GSTO2: variants seen among roughly 807,000 people sequenced by gnomAD.
GSTO2 encodes the protein glutathione S-transferase omega 2.
In GSTO2, 23 loss-of-function variants were observed where a neutral mutation model predicts 28.4. That is an observed-to-expected ratio of 0.81 (90% CI 0.58 to 1.15). GSTO2 has a LOEUF of 1.15. GSTO2 is among the 50% of genes most tolerant of loss of function. The probability of loss-of-function intolerance (pLI) is 0.00; values close to 1 mark genes in which losing one functional copy is unlikely to be tolerated. For missense variants in GSTO2, 298 were observed against 297.8 expected (o/e 1.00, Z 0.00); for synonymous variants, 109 against 111.0 (o/e 0.98, Z 0.11).
Position 104,274,963 on chromosome 10 carries a change from A to G in GSTO2, c.34+14A>G. On this transcript the variant is annotated intron_variant, in intron 2 of 6. Coordinates refer to ENST00000338595, the MANE Select transcript of GSTO2 (RefSeq NM_183239.2). ...CCCTGGGGAAAGGTGAGTGCTCTCC[A>G]TGGGGTCCGCGAGCTGGGGGCGCCG... 1 of 1,577,104 alleles carries G rather than the reference A, an allele frequency of 6.3e-7. No individual in the cohort carries two copies. Among genetic ancestry groups the G allele is most frequent in the African/African-American group, 1.4e-5 (1 of 72,706 alleles).
chr10:104,281,082 G>A (rs187551177), intron 5 of GSTO2, among the ~76,000 whole-genome samples: 1 of 152,302 alleles, frequency 6.6e-6, no homozygotes, highest in African/African-American at 2.4e-5. Context: ...GTTTTCCCAT[G>A]TGTAAAATGA....
intron 1 of GSTO2, among the ~76,000 whole-genome samples, chr10:104,273,930 A>C (rs2011516460): frequency 6.6e-6 from 1 of 152,210 alleles, no homozygotes; most frequent in Non-Finnish European, 1.5e-5. Flanking sequence ...ATGATCTGTT[A>C]ATCCTACAAA....
At chr10:104,271,841 T>C (rs1205178266) in intron 1 of GSTO2, among the ~76,000 whole-genome samples, 2 of 152,238 alleles carry the variant, frequency 1.3e-5, no homozygotes, top group Non-Finnish European at 2.9e-5. Context: ...AACCTTTTAA[T>C]TTACAAATGG....
intron 5 of GSTO2, among the ~76,000 whole-genome samples, chr10:104,293,562 A>AGTTTTTTTT (rs2012876280): frequency 1.3e-5 from 1 of 78,842 alleles, no homozygotes; most frequent in African/African-American, 7.4e-5. Flanking sequence ...GCGCCTGGCC[A>AGTTTTTTTT]ATTTTTTTTT....
intron 1 of GSTO2, among the ~76,000 whole-genome samples, chr10:104,271,716 C>A (rs906784819): frequency 2.0e-5 from 3 of 152,216 alleles, no homozygotes; most frequent in Non-Finnish European, 4.4e-5. Flanking sequence ...CATACAGATA[C>A]ACTTTTCATG....
intron 5 of GSTO2, among the ~76,000 whole-genome samples, chr10:104,280,159 G>A (rs2011936594): frequency 1.0e-5 from 1 of 98,652 alleles, no homozygotes; most frequent in Non-Finnish European, 1.8e-5. Flanking sequence ...GAGTAAGTAG[G>A]ACTGACAAAA....
At chr10:104,278,543 A>G (rs1177709034) in intron 4 of GSTO2, among the ~76,000 whole-genome samples, 2 of 152,132 alleles carry the variant, frequency 1.3e-5, no homozygotes, top group Non-Finnish European at 2.9e-5. Flanking sequence ...GTGCAGTGGC[A>G]CCATCTCGGC....
rs753736181 is a variant in GSTO2, at chr10:104,279,378, T to C, written c.375T>C (p.His125=). 20 of 1,613,448 alleles carry C rather than the reference T, an allele frequency of 1.2e-5. No individual in the cohort carries two copies. The South Asian group carries it at 2.0e-4, about 16-fold the overall frequency. Residue 125 remains histidine, a synonymous_variant, in exon 5 of 7, where the codon CAT becomes CAC. Coordinates refer to ENST00000338595, the MANE Select transcript of GSTO2 (RefSeq NM_183239.2). ...MLLELFCKVP[H]LTKECLVALR... is the part of the protein sequence containing the mutation. ...CTGTGTCCTCTGATTAGGTCCCACA[T>C]TTGACCAAGGAGTGCCTGGTAGCGT...
At chr10:104,283,410 G>C (rs773148610) in intron 5 of GSTO2, among the ~76,000 whole-genome samples, 1 of 152,176 alleles carries the variant, frequency 6.6e-6, no homozygotes, top group Non-Finnish European at 1.5e-5. Flanking sequence ...AGGATCACCT[G>C]AGGCCAGGAG....
chr10:104,279,582 A>G (rs2011888873), intron 5 of GSTO2, 111 bp downstream of exon 5: 6 of 688,508 alleles, frequency 8.7e-6, no homozygotes, highest in South Asian at 7.1e-5. Flanking sequence ...TCTGCCTTTG[A>G]TAAGTCAGAC....
intron 5 of GSTO2, among the ~76,000 whole-genome samples, chr10:104,284,335 G>C (rs2012279400): frequency 2.0e-5 from 3 of 152,032 alleles, no homozygotes; most frequent in Admixed American, 2.0e-4. Context: ...ACTCCAGCCT[G>C]GGTGACAGAG....
intron 5 of GSTO2, among the ~76,000 whole-genome samples, chr10:104,285,495 A>G (rs762301475): frequency 9.2e-5 from 14 of 151,650 alleles, no homozygotes; most frequent in Non-Finnish European, 1.8e-4. Context: ...TGTCACCCAC[A>G]TTGGAGTGCA....
chr10:104,275,375 C>T, intron 3 of GSTO2, 41 bp downstream of exon 3: 1 of 1,586,574 alleles, frequency 6.3e-7, no homozygotes, highest in Non-Finnish European at 8.6e-7. Context: ...AAACCCAGCG[C>T]CTCACAGGAG....
At chr10:104,270,118 A>G (rs945686490) in intron 1 of GSTO2, among the ~76,000 whole-genome samples, 6 of 149,850 alleles carry the variant, frequency 4.0e-5, no homozygotes, top group African/African-American at 7.4e-5. Flanking sequence ...GGTTCACGCC[A>G]TTCTCCTGCC....
chr10:104,279,543 C>A, intron 5 of GSTO2, 72 bp downstream of exon 5: 4 of 954,328 alleles, frequency 4.2e-6, no homozygotes, highest in South Asian at 1.4e-5. Flanking sequence ...CCTGGTCACT[C>A]TAACACCAGC....
chr10:104,272,499 C>G (rs548525339), intron 1 of GSTO2, among the ~76,000 whole-genome samples: 2 of 147,082 alleles, frequency 1.4e-5, no homozygotes, highest in Non-Finnish European at 3.0e-5. Context: ...AGTCCTCCCT[C>G]TTTCACTTAC....
chr10:104,286,346 GA>G (rs1406518786), intron 5 of GSTO2, among the ~76,000 whole-genome samples: 48 of 152,210 alleles, frequency 3.2e-4, no homozygotes, highest in Admixed American at 1.7e-3. Context: ...CATATAAGTG[GA>G]ATCATACAAC....
At chr10:104,276,851 G>T (rs140290289) in intron 3 of GSTO2, among the ~76,000 whole-genome samples, 83 of 152,220 alleles carry the variant, frequency 5.5e-4, no homozygotes, top group Middle Eastern at 3.4e-3. Context: ...TTAAACATAC[G>T]TTCATGCTTC....
Position 104,299,377 on chromosome 10 carries a change from C to T in GSTO2, c.*93C>T, listed in dbSNP as rs1428096929. 1 of 1,403,558 alleles carries T rather than the reference C, an allele frequency of 7.1e-7. No homozygotes were observed. The highest frequency in any genetic ancestry group is 2.3e-5 in the East Asian group (1 of 43,184). 86.9% of individuals were successfully genotyped at this position (1,403,558 alleles called of 1,614,324 possible). Reference sequence around the variant, plus strand: ...CTTGGGAACCAATCCGTCTCTCTTTCTTTTCTTTGAAGTTCCCAATAAAAT... The same window carrying T: ...CTTGGGAACCAATCCGTCTCTCTTTTTTTTCTTTGAAGTTCCCAATAAAAT... On this transcript the variant is annotated 3_prime_UTR_variant, in exon 7 of 7. Transcript: ENST00000338595.
Sources: allele counts gnomAD v4.1 joint callset (sites outside exome capture counted in the v4.1 genomes callset), GRCh38; gene constraint gnomAD v4.1.1; transcripts MANE v1.5; gene names NCBI Gene and HGNC (gene_info 2026-07-23, HGNC 2026-07-21).